AGBL1: variants seen among roughly 807,000 people sequenced by gnomAD.
AGBL1 encodes cytosolic carboxypeptidase 4.
In AGBL1, 130 loss-of-function variants were observed where a neutral mutation model predicts 118.9. That is an observed-to-expected ratio of 1.09 (90% CI 0.95 to 1.26). AGBL1 has a LOEUF of 1.26. Ranked by LOEUF, AGBL1 falls within the 50% of genes most tolerant of loss-of-function variation. AGBL1 has a pLI of 0.00. For synonymous variants in AGBL1, 555 were observed against 478.9 expected (o/e 1.16, Z -2.08); for missense variants, 1,584 against 1,298.1 (o/e 1.22, Z -3.38).
At chr15:86,511,943 T>C (rs931301728) in intron 18 of AGBL1, among the ~76,000 whole-genome samples, 1 of 152,068 alleles carries the variant, frequency 6.6e-6, no homozygotes. Context: ...GAATAATGTG[T>C]TCTTGCTTTT....
rs150173301 is a variant in AGBL1, at chr15:87,012,676, C to G, written c.3324-16149C>G. Among the ~76,000 whole-genome samples, 4 of 151,950 alleles carry G rather than the reference C, an allele frequency of 2.6e-5. No individual in the cohort carries two copies. The East Asian group carries it at 7.8e-4, about 29-fold the overall frequency. On this transcript the variant is annotated intron_variant, in intron 24 of 24. Transcript: ENST00000441037. ...AGGAGGAGCCACTTTTAAATCTCACCCTAAATATGTCCAGTGTAGTCAATA... is the reference window on the plus strand; with the variant it reads ...AGGAGGAGCCACTTTTAAATCTCACGCTAAATATGTCCAGTGTAGTCAATA...
intron 23 of AGBL1, among the ~76,000 whole-genome samples, chr15:86,956,681 C>G (rs1002266713): frequency 2.6e-5 from 4 of 152,108 alleles, no homozygotes; most frequent in African/African-American, 9.7e-5. Context: ...AGTTTTGCAG[C>G]AACATCAAGG....
intron 19 of AGBL1, among the ~76,000 whole-genome samples, chr15:86,543,631 G>A (rs987507466): frequency 2.0e-5 from 3 of 152,074 alleles, no homozygotes; most frequent in African/African-American, 7.2e-5. Context: ...GAAAGATACA[G>A]GAAAAATAAG....
At chr15:86,664,987 A>C (rs1383830427) in intron 21 of AGBL1, among the ~76,000 whole-genome samples, 2 of 152,174 alleles carry the variant, frequency 1.3e-5, no homozygotes, top group Non-Finnish European at 2.9e-5. Flanking sequence ...AAATATTTAA[A>C]TCATGCAACC....
intron 18 of AGBL1, among the ~76,000 whole-genome samples, chr15:86,426,362 T>C (rs1179719443): frequency 6.6e-6 from 1 of 152,200 alleles, no homozygotes; most frequent in East Asian, 1.9e-4. Flanking sequence ...AGAAAATCTC[T>C]TTTCCCAGGT....
At chr15:86,474,690 A>G (rs891432001) in intron 18 of AGBL1, among the ~76,000 whole-genome samples, 4 of 152,218 alleles carry the variant, frequency 2.6e-5, no homozygotes, top group Non-Finnish European at 5.9e-5. Context: ...ACCTCTGCAG[A>G]CTTAAATGTC....
intron 13 of AGBL1, among the ~76,000 whole-genome samples, chr15:86,267,526 T>C (rs182712672): frequency 6.6e-6 from 1 of 152,234 alleles, no homozygotes; most frequent in Non-Finnish European, 1.5e-5. Context: ...TGTACTTAGG[T>C]GGCAAAAATC....
At chr15:86,808,521 T>G (rs1403709472) in intron 22 of AGBL1, among the ~76,000 whole-genome samples, 1 of 152,074 alleles carries the variant, frequency 6.6e-6, no homozygotes, top group African/African-American at 2.4e-5. Flanking sequence ...AAAAACTGAT[T>G]TTTACTCAGT....
At chr15:86,141,259 C>T (rs1290554698) in intron 1 of AGBL1, among the ~76,000 whole-genome samples, 3 of 152,200 alleles carry the variant, frequency 2.0e-5, no homozygotes, top group Non-Finnish European at 4.4e-5. Flanking sequence ...TGGCACCACC[C>T]TGGGATTCTC....
intron 16 of AGBL1, among the ~76,000 whole-genome samples, chr15:86,293,033 G>T (rs944641815): frequency 2.0e-5 from 3 of 152,156 alleles, no homozygotes; most frequent in Admixed American, 2.0e-4. Context: ...AAAGGCCATA[G>T]AATTATCTGG....
intron 17 of AGBL1, among the ~76,000 whole-genome samples, chr15:86,350,823 T>C (rs1011731695): frequency 7.2e-5 from 11 of 152,230 alleles, no homozygotes; most frequent in African/African-American, 2.7e-4. Flanking sequence ...TAGGAATTTA[T>C]ACTCTGGCAG....
At chr15:86,584,039 T>G (rs2346705) in intron 21 of AGBL1, among the ~76,000 whole-genome samples, 69,587 of 151,868 alleles carry the variant, frequency 0.46, 16,320 homozygotes, top group Middle Eastern at 0.52. Context: ...GGGGTTATTT[T>G]TTTGTTGCTT....
At chr15:86,093,609 T>C (rs2141472394) in intron 1 of AGBL1, among the ~76,000 whole-genome samples, 1 of 152,282 alleles carries the variant, frequency 6.6e-6, no homozygotes, top group East Asian at 1.9e-4. Flanking sequence ...GTAGAAGTTC[T>C]TGAACTAAAA....
intron 17 of AGBL1, among the ~76,000 whole-genome samples, chr15:86,361,810 C>T (rs1016378947): frequency 2.0e-5 from 3 of 152,042 alleles, no homozygotes; most frequent in African/African-American, 7.2e-5. Flanking sequence ...TTTTCTACCC[C>T]TTAACTTTTA....
At chr15:87,005,922 C>G (rs549195922) in intron 24 of AGBL1, among the ~76,000 whole-genome samples, 3 of 152,230 alleles carry the variant, frequency 2.0e-5, no homozygotes, top group African/African-American at 2.4e-5. Context: ...ACTCAGGACC[C>G]TCAGCTGCAG....
chr15:86,637,396 A>G (rs906977097), intron 21 of AGBL1, among the ~76,000 whole-genome samples: 5 of 152,076 alleles, frequency 3.3e-5, no homozygotes, highest in African/African-American at 1.2e-4. Flanking sequence ...GAAAGGCACT[A>G]AGGAAGAAGA....
At chr15:86,722,649 T>A (rs2086744881) in intron 22 of AGBL1, among the ~76,000 whole-genome samples, 1 of 152,112 alleles carries the variant, frequency 6.6e-6, no homozygotes, top group African/African-American at 2.4e-5. Flanking sequence ...AAGCCAAAAT[T>A]GACAAATGGG....
At chr15:86,612,821 G>C (rs190116967) in intron 21 of AGBL1, among the ~76,000 whole-genome samples, 2 of 152,226 alleles carry the variant, frequency 1.3e-5, no homozygotes, top group East Asian at 3.9e-4. Context: ...TGGCCTGAAG[G>C]CTTTATCTAC....
intron 22 of AGBL1, among the ~76,000 whole-genome samples, chr15:86,783,679 G>A (rs1470406496): frequency 6.6e-6 from 1 of 152,184 alleles, no homozygotes; most frequent in African/African-American, 2.4e-5. Flanking sequence ...ACCCAGGCTG[G>A]AGTGCAGAGG....
Sources: gnomAD v4.1 joint callset for allele counts (sites outside exome capture counted in the v4.1 genomes callset) on GRCh38, gnomAD v4.1.1 for gene constraint, MANE v1.5 for transcripts, NCBI Gene and HGNC (gene_info 2026-07-23, HGNC 2026-07-21) for gene names.